The following MAP3K9 variants were observed in gnomAD, a reference collection of about 807,000 sequenced individuals.
MAP3K9 encodes the protein mixed lineage kinase 1 (tyr and ser/thr specificity).
Under a neutral mutation model 95.8 loss-of-function variants are expected in MAP3K9, and 46 were observed. That is an observed-to-expected ratio of 0.48 (90% CI 0.38 to 0.61). The LOEUF is 0.61. Ranked by LOEUF, MAP3K9 falls within the 20% of genes least tolerant of loss-of-function variation. MAP3K9 has a pLI of 0.00. For synonymous variants in MAP3K9, 533 were observed against 593.8 expected, an observed-to-expected ratio of 0.90 and a Z score of 1.49; for missense variants, 1,296 against 1,474.3, an observed-to-expected ratio of 0.88 and a Z score of 1.98.
intron 6 of MAP3K9, 70 bp from the exon 7 acceptor site, chr14:70,740,234 A>G: frequency 6.6e-7 from 1 of 1,522,758 alleles, no homozygotes; most frequent in East Asian, 2.3e-5. Context: ...AAGAAATATG[A>G]CATTCCTCAG....
chr14:70,751,919 T>C (rs769944637), intron 3 of MAP3K9, among the ~76,000 whole-genome samples: 16 of 152,194 alleles, frequency 1.1e-4, no homozygotes, highest in Non-Finnish European at 2.2e-4. Flanking sequence ...GAGTACATCA[T>C]GGTGGGCCCA....
chr14:70,748,190 C>T (rs1168539629), intron 5 of MAP3K9, among the ~76,000 whole-genome samples: 1 of 151,814 alleles, frequency 6.6e-6, no homozygotes, highest in Non-Finnish European at 1.5e-5. Context: ...TAGATTTAGT[C>T]CTGCCCCTAT....
In MAP3K9 at chr14:70,809,268, C is replaced by CT. The variant is rs2055039695; in HGVS notation, c.-98_-97insA. 4.8e-6 allele frequency: 6 copies of CT among 1,237,946 alleles called. No homozygotes were observed. In the East Asian group the frequency reaches 1.9e-4, roughly 39 times the overall value. The allele number at this position is 1,237,946 out of a possible 1,614,324, so 76.7% of individuals were successfully genotyped here. A position where few individuals can be genotyped will look rare whatever the true frequency, so the allele number is the denominator to read the frequency against. On this transcript the variant is annotated 5_prime_UTR_variant, in exon 1 of 12. Transcript: ENST00000554752. ...CTCCGCAGAGCTGGGAGGACCCCCCCCCAACGACGGCGGCCGCAGGTAGGG... is the reference window on the plus strand; with the variant it reads ...CTCCGCAGAGCTGGGAGGACCCCCCCTCCAACGACGGCGGCCGCAGGTAGGG...
intron 2 of MAP3K9, among the ~76,000 whole-genome samples, chr14:70,799,525 G>T (rs773352075): frequency 6.6e-6 from 1 of 151,934 alleles, no homozygotes; most frequent in Non-Finnish European, 1.5e-5. Context: ...ATTTTTAGTG[G>T]AGACGGGGTT....
chr14:70,753,424 G>T (rs1471391447), intron 3 of MAP3K9, among the ~76,000 whole-genome samples: 2 of 152,214 alleles, frequency 1.3e-5, no homozygotes, highest in Admixed American at 1.3e-4. Context: ...TGGAAGGTGG[G>T]TGATATAAAT....
At position 70,809,422 on chromosome 14, in the gene MAP3K9, C is replaced by A. The variant is rs1036200254; in HGVS notation, c.-251G>T. ...CCGAGTCCCCGCCTGCCCGCTCGCCCCCCCGGGGGCGGCCTCGTCACCTCT... is the reference window on the plus strand; with the variant it reads ...CCGAGTCCCCGCCTGCCCGCTCGCCACCCCGGGGGCGGCCTCGTCACCTCT... On this transcript the variant is annotated 5_prime_UTR_variant, in exon 1 of 12. Transcript: ENST00000554752. The A allele has an allele frequency of 5.8e-6, 2 of 347,160 alleles. No individual in the cohort carries two copies. The highest frequency in any genetic ancestry group is 4.9e-5 in the Admixed American group (1 of 20,402). The allele number at this position is 347,160 out of a possible 1,614,324, so 21.5% of individuals were successfully genotyped here.
chr14:70,745,565 C>T (rs897714781), intron 5 of MAP3K9, among the ~76,000 whole-genome samples: 1 of 152,078 alleles, frequency 6.6e-6, no homozygotes, highest in African/African-American at 2.4e-5. Flanking sequence ...TAGTGAAACC[C>T]TGTCTCTACT....
In MAP3K9 at chr14:70,726,554, G is replaced by T. The variant is rs141628653; in HGVS notation, c.*3826C>A. The T allele has an allele frequency of 1.8e-3, 269 of 152,362 alleles. 1 individual carries two copies. The highest frequency in any genetic ancestry group is 3.1e-3 in the South Asian group (15 of 4,830). The allele number at this position is 152,362 out of a possible 1,614,324, so 9.4% of individuals were successfully genotyped here. A position where few individuals can be genotyped will look rare whatever the true frequency, so the allele number is the denominator to read the frequency against. On this transcript the variant is annotated 3_prime_UTR_variant, in exon 12 of 12. Coordinates refer to ENST00000554752, the MANE Select transcript of MAP3K9 (RefSeq NM_001284230.2). ...TTCTCTGTAAGACACAAGTGGTGAG[G>T]ATGACATTGGCAGACAGCATCAGAC...
chr14:70,750,071 G>C lies in MAP3K9; in HGVS notation c.1012C>G (p.Leu338Val). 1 of 1,614,138 alleles carries C rather than the reference G, an allele frequency of 6.2e-7. No homozygotes were observed. Among genetic ancestry groups the C allele is most frequent in the Non-Finnish European group, 8.5e-7 (1 of 1,180,014 alleles). Residue 338 changes from leucine (L) to valine (V), a missense_variant, in exon 4 of 12, where the codon CTA becomes GTA. By Grantham distance (32) the Leu-to-Val change is conservative. This residue lies in a region of MAP3K9 where 136 missense variants were observed against 221.5 expected (regional missense o/e 0.61). Transcript: ENST00000554752. ...TCACCAGTCAGCAACTCCCAAAGTA[G>C]CACCCCATAGCTAAGGAGAGGAAGA... ...KGSDVWSYGV[L>V]LWELLTGEVP...
chr14:70,735,146 AG>A (rs2053966616), intron 9 of MAP3K9, among the ~76,000 whole-genome samples: 1 of 152,218 alleles, frequency 6.6e-6, no homozygotes, highest in Non-Finnish European at 1.5e-5. Flanking sequence ...GGAGAGACAG[AG>A]GACAGGAGCT....
intron 2 of MAP3K9, among the ~76,000 whole-genome samples, chr14:70,765,705 G>A (rs1237593438): frequency 4.2e-5 from 6 of 144,498 alleles, no homozygotes; most frequent in Non-Finnish European, 7.5e-5. Context: ...GAAATGTCTT[G>A]GGCCACACAT....
chr14:70,745,460 C>T (rs769440769), intron 5 of MAP3K9, among the ~76,000 whole-genome samples: 4 of 152,046 alleles, frequency 2.6e-5, no homozygotes, highest in Admixed American at 2.0e-4. Flanking sequence ...GAAAGAAGGC[C>T]GGCATGGTGT....
At chr14:70,771,729 G>C (rs1161466196) in intron 2 of MAP3K9, among the ~76,000 whole-genome samples, 2 of 152,154 alleles carry the variant, frequency 1.3e-5, no homozygotes, top group Non-Finnish European at 2.9e-5. Context: ...CTAAACATAG[G>C]GGGAAAAGGA....
chr14:70,744,693 A>G (rs1262111086), intron 5 of MAP3K9, among the ~76,000 whole-genome samples: 2 of 152,326 alleles, frequency 1.3e-5, no homozygotes, highest in Admixed American at 6.5e-5. Flanking sequence ...CTGCTGCTCT[A>G]TCACACTCCC....
chr14:70,794,794 C>T (rs1410320402), intron 2 of MAP3K9, among the ~76,000 whole-genome samples: 1 of 151,646 alleles, frequency 6.6e-6, no homozygotes, highest in African/African-American at 2.4e-5. Flanking sequence ...TCTCCTGCTT[C>T]AGCCTCCCAA....
chr14:70,751,209 G>A (rs2054222948), intron 3 of MAP3K9, among the ~76,000 whole-genome samples: 1 of 152,148 alleles, frequency 6.6e-6, no homozygotes, highest in Non-Finnish European at 1.5e-5. Context: ...AGTGAATGTG[G>A]AGTACAAAGC....
Position 70,770,597 on chromosome 14 carries a change from C to T in MAP3K9, c.821-9415G>A, listed in dbSNP as rs555219329. Among the ~76,000 whole-genome samples, 14 of 152,220 alleles carry T rather than the reference C, an allele frequency of 9.2e-5. No individual in the cohort carries two copies. In the East Asian group the frequency reaches 1.5e-3, roughly 17 times the overall value. ...TATCCATCAGCAGGGCAAGGAGGGG[C>T]GACAGAAGCTTCATCAGCACATGAG... On this transcript the variant is annotated intron_variant, in intron 2 of 11. Coordinates refer to ENST00000554752, the MANE Select transcript of MAP3K9 (RefSeq NM_001284230.2).
chr14:70,789,521 G>T (rs927415718), intron 2 of MAP3K9, among the ~76,000 whole-genome samples: 2 of 152,176 alleles, frequency 1.3e-5, no homozygotes, highest in Non-Finnish European at 2.9e-5. Flanking sequence ...TCTTAAAACA[G>T]TACTGCTCAT....
chr14:70,775,741 G>T (rs17177041), intron 2 of MAP3K9, among the ~76,000 whole-genome samples: 19,785 of 152,208 alleles, frequency 0.13, 1,757 homozygotes, highest in Non-Finnish European at 0.18. Flanking sequence ...AAAGCTATCA[G>T]TCAAACCTAA....
Sources: gnomAD v4.1 joint callset for allele counts (sites outside exome capture counted in the v4.1 genomes callset) on GRCh38, gnomAD v4.1.1 for gene constraint, gnomAD v4.1.1 regional missense constraint, MANE v1.5 for transcripts, NCBI Gene and HGNC (gene_info 2026-07-23, HGNC 2026-07-21) for gene names.